Variants in TLE4 observed in about 807,000 individuals in gnomAD.
The protein encoded by TLE4 is TLE family member 4, transcriptional corepressor.
In TLE4, 8 loss-of-function variants were observed where a neutral mutation model predicts 92.8. The ratio of observed to expected loss-of-function variants is 0.09; its 90% CI spans 0.05 to 0.16. TLE4 has a LOEUF of 0.16. Ranked by LOEUF, TLE4 falls within the 10% of genes least tolerant of loss-of-function variation. The probability of loss-of-function intolerance (pLI) is 1.00; values close to 1 mark genes in which losing one functional copy is unlikely to be tolerated. For synonymous variants in TLE4, 371 were observed against 374.1 expected (o/e 0.99, Z 0.10); for missense variants, 675 against 997.6 (o/e 0.68, Z 4.36).
At chr9:79,574,656 AT>A (rs761652248) in intron 2 of TLE4, among the ~76,000 whole-genome samples, 19 of 152,156 alleles carry the variant, frequency 1.2e-4, no homozygotes, top group Non-Finnish European at 2.2e-4. Context: ...TAAAAAAAAA[AT>A]CCTAAAAACA....
chr9:79,645,476 C>T (rs898972433), intron 6 of TLE4, among the ~76,000 whole-genome samples: 2 of 152,154 alleles, frequency 1.3e-5, no homozygotes, highest in African/African-American at 4.8e-5. Context: ...CTTGTCAGTC[C>T]CTTGTCATCA....
intron 5 of TLE4, among the ~76,000 whole-genome samples, chr9:79,617,823 G>T (rs1177379385): frequency 7.3e-6 from 1 of 137,908 alleles, no homozygotes; most frequent in African/African-American, 2.9e-5. Context: ...AGGAACAGTG[G>T]TTTTTTCAAG....
intron 14 of TLE4, 120 bp from the exon 15 acceptor site, chr9:79,718,602 G>C (rs565179041): frequency 2.2e-5 from 31 of 1,379,180 alleles, no homozygotes; most frequent in Non-Finnish European, 2.9e-5. Context: ...GGACAAATTC[G>C]ATTTGTTCGT....
At chr9:79,573,298 C>T (rs1444453091) in intron 1 of TLE4, 6 of 1,034,592 alleles carry the variant, frequency 5.8e-6, no homozygotes, top group Middle Eastern at 3.2e-4. Flanking sequence ...GCGGCCGCCT[C>T]CCTCCTCCCC....
intron 13 of TLE4, 145 bp from the exon 14 acceptor site, chr9:79,709,478 C>A: frequency 1.7e-6 from 1 of 590,990 alleles, no homozygotes; most frequent in Non-Finnish European, 2.8e-6. Context: ...GTTATCATTT[C>A]ACCAATAAAT....
At chr9:79,705,978 C>A (rs763158970) in intron 10 of TLE4, 36 bp downstream of exon 10, 3 of 1,594,726 alleles carry the variant, frequency 1.9e-6, no homozygotes, top group East Asian at 2.2e-5. Flanking sequence ...TTGCACTTGC[C>A]CAGCCATATC....
intron 4 of TLE4, among the ~76,000 whole-genome samples, chr9:79,590,915 T>A (rs982149799): frequency 6.6e-6 from 1 of 152,210 alleles, no homozygotes; most frequent in East Asian, 1.9e-4. Flanking sequence ...TACTTAAACA[T>A]GAAAAAAGTA....
chr9:79,677,140 T>C (rs1564836077), intron 8 of TLE4, among the ~76,000 whole-genome samples: 1 of 152,158 alleles, frequency 6.6e-6, no homozygotes, highest in Non-Finnish European at 1.5e-5. Context: ...GCAGCAATAA[T>C]ATCTATCTTA....
intron 4 of TLE4, among the ~76,000 whole-genome samples, chr9:79,609,122 A>G (rs2047773954): frequency 6.6e-6 from 1 of 152,086 alleles, no homozygotes; most frequent in Non-Finnish European, 1.5e-5. Context: ...ACATGACATC[A>G]CTTTCCCATG....
At chr9:79,703,871 T>C (rs542716476) in intron 8 of TLE4, among the ~76,000 whole-genome samples, 7 of 152,328 alleles carry the variant, frequency 4.6e-5, no homozygotes, top group Admixed American at 2.0e-4. Flanking sequence ...TTCATAAATA[T>C]GACCTATATG....
chr9:79,707,170 A>G (rs374677457), intron 11 of TLE4: 14 of 1,612,832 alleles, frequency 8.7e-6, no homozygotes, highest in South Asian at 2.2e-5. Context: ...GCGAAGATGA[A>G]CAATGCACAT....
intron 4 of TLE4, among the ~76,000 whole-genome samples, chr9:79,610,560 A>T (rs1055569796): frequency 1.3e-5 from 2 of 152,052 alleles, no homozygotes; most frequent in East Asian, 3.9e-4. Flanking sequence ...CCCCACTGCC[A>T]ATTAGCCTGA....
chr9:79,619,770 T>C (rs1184004721), intron 5 of TLE4, among the ~76,000 whole-genome samples: 1 of 152,220 alleles, frequency 6.6e-6, no homozygotes, highest in African/African-American at 2.4e-5. Flanking sequence ...AAATGAATAA[T>C]AGACATGGAT....
In TLE4 at chr9:79,720,375, T is replaced by G. The variant is rs2075367218; in HGVS notation, c.1838+82T>G. ...TGCCAAAGTGCTGTGTATATAGGTA[T>G]GGGTGTGTGTGTGTGTGTGTGTGTG... On this transcript the variant is annotated intron_variant, in intron 16 of 19. Transcript: ENST00000376552. 1.7e-5 allele frequency: 11 copies of G among 653,176 alleles called. No individual in the cohort carries two copies. In the South Asian group the frequency reaches 2.5e-4, roughly 15 times the overall value. The allele number at this position is 653,176 out of a possible 1,614,324, so 40.5% of individuals were successfully genotyped here.
chr9:79,648,646 G>T (rs556333063), intron 6 of TLE4, among the ~76,000 whole-genome samples: 2 of 152,304 alleles, frequency 1.3e-5, no homozygotes, highest in East Asian at 1.9e-4. Flanking sequence ...AGCATGTGAG[G>T]TGATGAGTCT....
intron 8 of TLE4, among the ~76,000 whole-genome samples, chr9:79,692,951 A>AT (rs1564961652): frequency 6.6e-6 from 1 of 152,224 alleles, no homozygotes; most frequent in East Asian, 1.9e-4. Context: ...TTTTATAGGT[A>AT]TGACAAAGCC....
chr9:79,583,536 C>A (rs1026800779), intron 4 of TLE4, among the ~76,000 whole-genome samples: 9 of 152,130 alleles, frequency 5.9e-5, no homozygotes, highest in African/African-American at 1.9e-4. Flanking sequence ...TCTGCAGGGC[C>A]CTGTTGCTTG....
Position 79,705,240 on chromosome 9 carries a change from C to G in TLE4, c.729+338C>G, listed in dbSNP as rs76839623. ...ATTGTTAAGCAGAAAAATATAAAAT[C>G]ATAAAAAATGTGTTTAAATGCCTAG... On this transcript the variant is annotated intron_variant, in intron 9 of 19. Coordinates refer to ENST00000376552, the MANE Select transcript of TLE4 (RefSeq NM_007005.6). Among the ~76,000 whole-genome samples the G allele has an allele frequency of 2.6e-5, 4 of 152,264 alleles. No homozygotes were observed. The East Asian group carries it at 7.7e-4, about 29-fold the overall frequency.
chr9:79,690,013 A>G (rs1297787796), intron 8 of TLE4, among the ~76,000 whole-genome samples: 1 of 152,080 alleles, frequency 6.6e-6, no homozygotes, highest in East Asian at 1.9e-4. Context: ...AGACCTTAGA[A>G]CCACTGCCCG....
Sources: gnomAD v4.1 joint callset for allele counts (sites outside exome capture counted in the v4.1 genomes callset) on GRCh38, gnomAD v4.1.1 for gene constraint, MANE v1.5 for transcripts, NCBI Gene and HGNC (gene_info 2026-07-23, HGNC 2026-07-21) for gene names.